CTBP2: variants seen among roughly 807,000 people sequenced by gnomAD.
CTBP2 encodes the protein C-terminal-binding protein 2.
In CTBP2, 30 loss-of-function variants were observed where a neutral mutation model predicts 80.3. The ratio of observed to expected loss-of-function variants is 0.37; its 90% CI spans 0.28 to 0.51. The LOEUF (loss-of-function observed/expected upper bound fraction) is 0.51. Among genes scored for constraint, CTBP2 ranks in the 20% least tolerant of loss-of-function variants. The pLI, the probability that CTBP2 is intolerant of heterozygous loss-of-function variation, is 0.93. For missense variants in CTBP2, 1,212 were observed against 1,375.3 expected (o/e 0.88, Z 1.88); for synonymous variants, 594 against 587.4 (o/e 1.01, Z -0.16).
chr10:125,040,451 CTTTAAAA>C (rs1959328282), intron 2 of CTBP2, among the ~76,000 whole-genome samples: 1 of 62,430 alleles, frequency 1.6e-5, no homozygotes, highest in African/African-American at 7.8e-5. Flanking sequence ...AAGACTCTGT[CTTTAAAA>C]AAAAAAAAAA....
At chr10:125,015,912 G>A (rs1319151563) in intron 1 of CTBP2, among the ~76,000 whole-genome samples, 2 of 152,348 alleles carry the variant, frequency 1.3e-5, no homozygotes, top group East Asian at 1.9e-4. Context: ...GACACACACG[G>A]GGCTGGGTGA....
Position 124,985,174 on chromosome 10 carries a change from C to T in CTBP2, c.*4344G>A. ...ATAATGCCTCTGCTGCGTGAGGAGA[C>T]AGAGAACTTTAGTTGGACTACAGTT... is the stretch of plus-strand genomic sequence containing the variant. On this transcript the variant is annotated 3_prime_UTR_variant, in exon 9 of 9. Coordinates refer to ENST00000309035, the MANE Select transcript of CTBP2 (RefSeq NM_022802.3). The T allele has an allele frequency of 3.8e-6, 2 of 522,900 alleles. No homozygotes were observed. The highest frequency in any genetic ancestry group is 6.7e-6 in the Non-Finnish European group (2 of 297,960). 32.4% of individuals were successfully genotyped at this position (522,900 alleles called of 1,614,324 possible).
At chr10:125,023,880 C>G (rs1250208999) in intron 1 of CTBP2, among the ~76,000 whole-genome samples, 3 of 152,218 alleles carry the variant, frequency 2.0e-5, no homozygotes, top group African/African-American at 7.2e-5. Flanking sequence ...CCGCCCATCC[C>G]GAAGGGGAGA....
At chr10:125,016,868 T>C (rs188817964) in intron 1 of CTBP2, among the ~76,000 whole-genome samples, 1 of 152,320 alleles carries the variant, frequency 6.6e-6, no homozygotes, top group African/African-American at 2.4e-5. Flanking sequence ...CAAAGGCATA[T>C]TTATTCCTTC....
chr10:124,997,861 T>C (rs564065234), intron 4 of CTBP2, 103 bp downstream of exon 6: 131 of 1,277,502 alleles, frequency 1.0e-4, no homozygotes, highest in Non-Finnish European at 1.1e-4. Context: ...CTGCCTGCCC[T>C]GGCTCCTCAA....
chr10:125,002,871 C>A, intron 3 of CTBP2, 89 bp downstream of exon 5: 3 of 1,525,892 alleles, frequency 2.0e-6, no homozygotes, highest in South Asian at 1.2e-5. Context: ...GCTCCGTGGT[C>A]CCAGTTCCAG....
chr10:124,996,613 A>G (rs77505998), intron 4 of CTBP2: 4,768 of 152,522 alleles, frequency 0.031, 100 homozygotes, highest in Admixed American at 0.069. Flanking sequence ...CGACCCCAGG[A>G]AGAAGTCCCG....
intron 1 of CTBP2, among the ~76,000 whole-genome samples, chr10:125,141,417 G>A (rs1294512044): frequency 6.6e-6 from 1 of 152,166 alleles, no homozygotes; most frequent in African/African-American, 2.4e-5. Context: ...CAGCCTCGGG[G>A]CAGCTGACCT....
intron 1 of CTBP2, among the ~76,000 whole-genome samples, chr10:125,147,669 G>A (rs1381068736): frequency 1.3e-5 from 2 of 150,668 alleles, no homozygotes; most frequent in Non-Finnish European, 2.9e-5. Context: ...AGGCCAAGGA[G>A]GGAGGATTAC....
chr10:125,132,635 G>A (rs896680369), intron 1 of CTBP2, among the ~76,000 whole-genome samples: 1 of 152,116 alleles, frequency 6.6e-6, no homozygotes, highest in African/African-American at 2.4e-5. Context: ...ACCAGTATTC[G>A]CACATCCGTA....
intron 2 of CTBP2, among the ~76,000 whole-genome samples, chr10:125,082,206 G>A (rs533758780): frequency 2.6e-5 from 4 of 152,350 alleles, no homozygotes; most frequent in South Asian, 2.1e-4. Context: ...TCTGCAGGCC[G>A]GCTCCGGGAC....
chr10:125,021,333 G>A lies in CTBP2; in HGVS notation c.1678+4749C>T, dbSNP rs149795424. Among the ~76,000 whole-genome samples, 107 of 152,262 alleles carry A rather than the reference G, an allele frequency of 7.0e-4. 1 individual carries two copies. In the Middle Eastern group the frequency reaches 0.024, roughly 34 times the overall value. On this transcript the variant is annotated intron_variant, in intron 1 of 8. Coordinates refer to ENST00000309035, the MANE Select transcript of CTBP2 (RefSeq NM_022802.3). ...ACAGACATGGAAATAGAAGCACAGA[G>A]AACTCAACATACTTGCCCAAACACA...
At chr10:125,155,435 C>T (rs1327433523) in intron 1 of CTBP2, among the ~76,000 whole-genome samples, 2 of 151,554 alleles carry the variant, frequency 1.3e-5, no homozygotes, top group African/African-American at 4.9e-5. Flanking sequence ...CAAAGCCCTT[C>T]TTTTCACAGG....
At position 125,027,861 on chromosome 10, in the gene CTBP2, G is replaced by A. The variant is rs1957816859; in HGVS notation, c.-102C>T. On this transcript the variant is annotated 5_prime_UTR_variant, in exon 1 of 9. Coordinates refer to ENST00000309035, the MANE Select transcript of CTBP2 (RefSeq NM_022802.3). Reference sequence around the variant, plus strand: ...GACCTGGCTGTGTGCTAACCCTTCCGAGACGGCAGGGACAACCAACTGGGG... The same window carrying A: ...GACCTGGCTGTGTGCTAACCCTTCCAAGACGGCAGGGACAACCAACTGGGG... The A allele has an allele frequency of 5.6e-6, 8 of 1,429,592 alleles. No homozygotes were observed. The highest frequency in any genetic ancestry group is 2.9e-5 in the Admixed American group (1 of 35,050). The allele number at this position is 1,429,592 out of a possible 1,614,324, so 88.6% of individuals were successfully genotyped here. A position where few individuals can be genotyped will look rare whatever the true frequency, so the allele number is the denominator to read the frequency against.
rs186330725 is a variant in CTBP2 at position 125,018,996 on chromosome 10, C to T, written c.1678+7086G>A. Among the ~76,000 whole-genome samples the T allele has an allele frequency of 1.8e-3, 275 of 152,306 alleles. 2 individuals are homozygous for T. The highest frequency in any genetic ancestry group is 6.2e-3 in the African/African-American group (256 of 41,576). ...GGGCCGCCCACTCTGTCAGTGGGGA[C>T]GGGTGTTTCTAGGTTGGATTTTTTG... On this transcript the variant is annotated intron_variant, in intron 1 of 8. Coordinates refer to ENST00000309035, the MANE Select transcript of CTBP2 (RefSeq NM_022802.3).
rs894087529 is a variant in CTBP2 at position 125,026,362 on chromosome 10, C to G, written c.1398G>C (p.Pro466=). 5 of 1,613,304 alleles carry G rather than the reference C, an allele frequency of 3.1e-6. No homozygotes were observed. Among genetic ancestry groups the G allele is most frequent in the Non-Finnish European group, 2.5e-6 (3 of 1,179,616 alleles). ...CTGGGTGAAGGGGGTTTGAGGGGCC[C>G]GGGTTAGTCAAGGCCACCCCTGCCT... The change falls in exon 1 of 9, where the codon CCG becomes CCC. Residue 466 remains proline (P), a synonymous_variant. Transcript: ENST00000309035.
chr10:125,154,992 A>C (rs914580478), intron 1 of CTBP2, among the ~76,000 whole-genome samples: 7 of 152,274 alleles, frequency 4.6e-5, no homozygotes, highest in African/African-American at 1.7e-4. Flanking sequence ...CTGTGACTTA[A>C]GATGCCTCCT....
At chr10:125,030,053 G>C (rs1352831079), upstream of CTBP2, among the ~76,000 whole-genome samples, 1 of 152,078 alleles carries the variant, frequency 6.6e-6, no homozygotes, top group Admixed American at 6.5e-5. Context: ...TTGGCTCTGA[G>C]ATTTGACAAA....
rs36014858 is a variant in CTBP2 at position 124,985,658 on chromosome 10, C to CT, written c.*3859dup. On this transcript the variant is annotated 3_prime_UTR_variant, in exon 9 of 9. Transcript: ENST00000309035. ...AGGGTTTTGGTTTTGGTTATTGTGTCTTTAAGTTTTCTGATATGCCCCCTT... is the reference window on the plus strand; with the variant it reads ...AGGGTTTTGGTTTTGGTTATTGTGTCTTTTAAGTTTTCTGATATGCCCCCTT... The CT allele has an allele frequency of 0.79, 120,355 of 152,572 alleles. 48,902 individuals are homozygous for CT. Among genetic ancestry groups the CT allele is most frequent in the East Asian group, 0.95 (4,931 of 5,190 alleles). 9.5% of individuals were successfully genotyped at this position (152,572 alleles called of 1,614,324 possible). A position where few individuals can be genotyped will look rare whatever the true frequency, so the allele number is the denominator to read the frequency against.
Sources: gnomAD v4.1 joint callset for allele counts (sites outside exome capture counted in the v4.1 genomes callset) on GRCh38, gnomAD v4.1.1 for gene constraint, MANE v1.5 for transcripts, NCBI Gene and HGNC (gene_info 2026-07-23, HGNC 2026-07-21) for gene names.